Variants in ZNF100 observed in about 807,000 individuals in gnomAD.
ZNF100 encodes the protein zinc finger protein 100 (Y1).
ZNF100 carries 12 observed loss-of-function variants against 15.8 expected under a neutral mutation model. The ratio of observed to expected loss-of-function variants is 0.76; its 90% confidence interval spans 0.49 to 1.23. ZNF100 has a LOEUF of 1.23. Ranked by LOEUF, ZNF100 falls within the 50% of genes most tolerant of loss-of-function variation. The probability of loss-of-function intolerance (pLI) is 0.00; values close to 1 mark genes in which losing one functional copy is unlikely to be tolerated. For synonymous variants in ZNF100, 226 were observed against 214.8 expected (o/e 1.05, Z -0.45); for missense variants, 670 against 635.6 (o/e 1.05, Z -0.58).
chr19:21,761,726 G>C (rs1456436023), intron 2 of ZNF100, among the ~76,000 whole-genome samples: 1 of 151,436 alleles, frequency 6.6e-6, no homozygotes, highest in African/African-American at 2.4e-5. Context: ...AGTTATTTTT[G>C]AACTTGAAGA....
At chr19:21,751,839 T>G in intron 2 of ZNF100, 4 of 844,230 alleles carry the variant, frequency 4.7e-6, no homozygotes, top group Non-Finnish European at 5.7e-6. Context: ...GACAAAGACT[T>G]GTGTGGAGCA....
chr19:21,730,243 T>TA (rs200222176), intron 4 of ZNF100, among the ~76,000 whole-genome samples: 14 of 151,280 alleles, frequency 9.3e-5, no homozygotes, highest in East Asian at 1.9e-4. Context: ...ATCTATTGAT[T>TA]AAAAAAAAAC....
In ZNF100 at chr19:21,727,341, T is replaced by C. The variant is rs2145681319; in HGVS notation, c.971A>G (p.Lys324Arg). Reference protein sequence around the residue: ...VKPYKCTECGKAFNRSSHLTT... With the variant: ...VKPYKCTECGRAFNRSSHLTT... ...AAGGTGTGAGGACCGGTTAAAAGCT[T>C]TGCCACATTCTGTACATTTGTAGGG... Residue 324 changes from lysine to arginine, a missense_variant, in exon 5 of 5, where the codon AAA becomes AGA. Lys to Arg is a conservative substitution (Grantham distance 26). Coordinates refer to ENST00000358296, the MANE Select transcript of ZNF100 (RefSeq NM_173531.4). 2 of 1,612,890 alleles carry C rather than the reference T, an allele frequency of 1.2e-6. No individual in the cohort carries two copies. The highest frequency in any genetic ancestry group is 1.1e-5 in the South Asian group (1 of 91,072).
intron 2 of ZNF100, among the ~76,000 whole-genome samples, chr19:21,760,323 T>A (rs113522932): frequency 0.078 from 11,910 of 151,772 alleles, 542 homozygotes; most frequent in Middle Eastern, 0.15. Context: ...TGAAACCCCG[T>A]CTCTATTAAA....
chr19:21,727,362 T>C lies in ZNF100; in HGVS notation c.950A>G (p.Tyr317Cys). The change falls in exon 5 of 5, where the codon TAC becomes TGC. Residue 317 changes from tyrosine to cysteine, a missense_variant. Transcript: ENST00000358296. ...HKRIHTGVKP[Y>C]KCTECGKAFN... ...AGCTTTGCCACATTCTGTACATTTG[T>C]AGGGTTTCACTCCAGTATGAATTCT... 1 of 1,613,010 alleles carries C rather than the reference T, an allele frequency of 6.2e-7. No individual in the cohort carries two copies.
chr19:21,766,390 G>A (rs1435409583), intron 1 of ZNF100, among the ~76,000 whole-genome samples: 1 of 147,420 alleles, frequency 6.8e-6, no homozygotes, highest in Non-Finnish European at 1.5e-5. Context: ...TTCCACTGAG[G>A]TGTCTCTAGT....
chr19:21,756,098 A>G (rs2036389837), intron 2 of ZNF100, among the ~76,000 whole-genome samples: 1 of 152,212 alleles, frequency 6.6e-6, no homozygotes, highest in Non-Finnish European at 1.5e-5. Context: ...TATCACATAA[A>G]CCAAAACTAA....
intron 4 of ZNF100, among the ~76,000 whole-genome samples, chr19:21,728,701 C>A (rs2035859645): frequency 6.6e-6 from 1 of 151,762 alleles, no homozygotes; most frequent in Non-Finnish European, 1.5e-5. Flanking sequence ...TGACAGGTAG[C>A]CTTTTTTAAT....
chr19:21,731,706 ACT>A (rs2145691306), intron 4 of ZNF100, among the ~76,000 whole-genome samples: 1 of 152,244 alleles, frequency 6.6e-6, no homozygotes, highest in African/African-American at 2.4e-5. Flanking sequence ...TATTCTAATA[ACT>A]CTAAAAATAA....
intron 2 of ZNF100, among the ~76,000 whole-genome samples, chr19:21,755,050 C>T (rs945275176): frequency 3.3e-5 from 5 of 152,198 alleles, no homozygotes; most frequent in African/African-American, 1.2e-4. Context: ...GCCGAGCTCA[C>T]GCCTGTAATC....
At position 21,726,888 on chromosome 19, in the gene ZNF100, T is replaced by A. The variant is rs777623781; in HGVS notation, c.1424A>T (p.His475Leu). 4 of 1,613,298 alleles carry A rather than the reference T, an allele frequency of 2.5e-6. No individual in the cohort carries two copies. The highest frequency in any genetic ancestry group is 2.5e-6 in the Non-Finnish European group (3 of 1,179,726). ...TTTCTCTCCAGTATGAATCATCTTA[T>A]GTGCAGTTAGTTGTGAGGACCGGTT... is the stretch of plus-strand genomic sequence containing the variant. ...AFNRSSQLTA[H>L]KMIHTGEKPY... Residue 475 changes from histidine to leucine, a missense_variant, in exon 5 of 5, where the codon CAT (histidine) becomes CTT (leucine). Physicochemically the swap from His to Leu is moderately conservative, Grantham distance 99. Coordinates refer to ENST00000358296, the MANE Select transcript of ZNF100 (RefSeq NM_173531.4).
chr19:21,750,857 C>T (rs2036294062), intron 2 of ZNF100: 1 of 517,952 alleles, frequency 1.9e-6, no homozygotes, highest in Non-Finnish European at 3.4e-6. Flanking sequence ...ATGGGGAACA[C>T]GCTGACCTAT....
intron 2 of ZNF100, among the ~76,000 whole-genome samples, chr19:21,758,429 T>C (rs969852671): frequency 3.9e-5 from 6 of 152,016 alleles, no homozygotes; most frequent in African/African-American, 1.5e-4. Flanking sequence ...AAAAAGAAAA[T>C]CCATGGGTGG....
In ZNF100 at chr19:21,727,522, C is replaced by T. The variant is rs753189982; in HGVS notation, c.790G>A (p.Glu264Lys). 89 of 1,613,536 alleles carry T rather than the reference C, an allele frequency of 5.5e-5. No individual in the cohort carries two copies. The highest frequency in any genetic ancestry group is 3.3e-4 in the Middle Eastern group (2 of 6,080). The change falls in exon 5 of 5, where the codon GAA becomes AAA. Residue 264 changes from glutamate (E) to lysine (K), a missense_variant. By Grantham distance (56) the Glu-to-Lys change is moderately conservative. Transcript: ENST00000358296. ...CGGTTAAATGCTTTCCCACATTCTT[C>T]ACATTTGTAGGGTTTCTCTCCAGTA... The part of the protein sequence containing the change: ...IHTGEKPYKC[E>K]ECGKAFNRSS...
intron 4 of ZNF100, among the ~76,000 whole-genome samples, chr19:21,738,229 C>T (rs1199415198): frequency 2.6e-5 from 3 of 114,070 alleles, no homozygotes; most frequent in African/African-American, 6.7e-5. Context: ...CCAGCCTGGG[C>T]GATAGAGTGA....
In ZNF100 at chr19:21,725,666, A is replaced by G. The variant is rs571913740; in HGVS notation, c.*1017T>C. 10 of 152,314 alleles carry G rather than the reference A, an allele frequency of 6.6e-5. No individual in the cohort carries two copies. The East Asian group carries it at 1.5e-3, about 23-fold the overall frequency. 9.4% of individuals were successfully genotyped at this position (152,314 alleles called of 1,614,324 possible). On this transcript the variant is annotated 3_prime_UTR_variant, in exon 5 of 5. Coordinates refer to ENST00000358296, the MANE Select transcript of ZNF100 (RefSeq NM_173531.4). ...TAAGAGTTGAATTACATTATTACTC[A>G]CTTTTCAAAAAATCTAATTTTTTCA...
intron 2 of ZNF100, among the ~76,000 whole-genome samples, chr19:21,757,334 A>C (rs2036407400): frequency 6.6e-6 from 1 of 152,204 alleles, no homozygotes; most frequent in African/African-American, 2.4e-5. Flanking sequence ...GCTACTCAAG[A>C]GGCTGAGGCA....
chr19:21,729,740 T>G (rs921950402), intron 4 of ZNF100, among the ~76,000 whole-genome samples: 3 of 152,090 alleles, frequency 2.0e-5, no homozygotes, highest in African/African-American at 7.2e-5. Flanking sequence ...ACATTTTTAA[T>G]TATTCTCTAA....
chr19:21,745,487 G>A (rs1024740126), intron 2 of ZNF100, among the ~76,000 whole-genome samples: 5 of 151,828 alleles, frequency 3.3e-5, no homozygotes, highest in African/African-American at 1.2e-4. Flanking sequence ...CAGAAGATCT[G>A]GAATGAAGTC....
Sources: allele counts gnomAD v4.1 joint callset (sites outside exome capture counted in the v4.1 genomes callset), GRCh38; gene constraint gnomAD v4.1.1; transcripts MANE v1.5; gene names NCBI Gene and HGNC (gene_info 2026-07-23, HGNC 2026-07-21).